Variants in HPN observed in about 807,000 individuals in gnomAD.
HPN encodes the protein hepsin, also known as serine protease hepsin.
In HPN, 13 loss-of-function variants were observed where a neutral mutation model predicts 55.9. The observed-to-expected ratio is 0.23, with a 90% CI of 0.15 to 0.37. HPN has a LOEUF of 0.37. HPN is among the 10% of genes least tolerant of loss of function. HPN has a pLI of 1.00. For missense variants in HPN, 451 were observed against 575.8 expected (o/e 0.78, Z 2.22); for synonymous variants, 225 against 240.3 (o/e 0.94, Z 0.59).
rs1261606687 is a variant in HPN at position 35,065,638 on chromosome 19, T to C, written c.1007T>C (p.Met336Thr). 3.1e-6 allele frequency: 5 copies of C among 1,614,142 alleles called. No individual in the cohort carries two copies. In the East Asian group the frequency reaches 8.9e-5, roughly 29 times the overall value. Residue 336 changes from methionine (M) to threonine (T), a missense_variant, in exon 11 of 13, where the codon ATG becomes ACG. Met to Thr is a moderately conservative substitution (Grantham distance 81). Around this residue, in one of 2 missense-constraint regions of HPN, gnomAD observed 73 missense variants for 130.3 expected, o/e 0.56. Coordinates refer to ENST00000672452, the MANE Select transcript of HPN (RefSeq NM_001384133.1). ...TATGGAAACCAGATCAAGCCCAAGA[T>C]GTTCTGTGCTGGCTACCCCGAGGGT... Reference protein sequence around the residue: ...DFYGNQIKPKMFCAGYPEGGI... With the variant: ...DFYGNQIKPKTFCAGYPEGGI...
intron 2 of HPN, among the ~76,000 whole-genome samples, chr19:35,047,563 C>T (rs753022933): frequency 3.3e-5 from 5 of 152,332 alleles, no homozygotes; most frequent in South Asian, 2.1e-4. Context: ...CCCACCTACA[C>T]GCATGAGAAC....
intron 4 of HPN, among the ~76,000 whole-genome samples, chr19:35,055,239 A>G (rs112844295): frequency 0.062 from 9,397 of 152,190 alleles, 875 homozygotes; most frequent in African/African-American, 0.2. Context: ...ACATAAAAAA[A>G]TAAACAAATT....
intron 4 of HPN, among the ~76,000 whole-genome samples, chr19:35,051,783 A>G (rs1478768006): frequency 6.6e-6 from 1 of 152,150 alleles, no homozygotes; most frequent in African/African-American, 2.4e-5. Flanking sequence ...CTATGAAGTT[A>G]GGGCTGTTAC....
At chr19:35,053,739 C>T (rs1055461965) in intron 4 of HPN, among the ~76,000 whole-genome samples, 2 of 152,000 alleles carry the variant, frequency 1.3e-5, no homozygotes, top group African/African-American at 4.8e-5. Context: ...AGCAAGACTC[C>T]ATCTCAAAAC....
chr19:35,059,509 T>G, intron 4 of HPN, 164 bp from the exon 5 acceptor site: 1 of 876,512 alleles, frequency 1.1e-6, no homozygotes, highest in Admixed American at 2.0e-5. Flanking sequence ...TGAGTCATGA[T>G]TCCAGATGCA....
Position 35,065,558 on chromosome 19 carries a change from C to T in HPN, c.927C>T (p.Leu309=), listed in dbSNP as rs1028915465. The T allele has an allele frequency of 2.5e-6, 4 of 1,613,946 alleles. No homozygotes were observed. ...CCCCAGGCCAACAGGCCGGGGTACTCCAGGAGGCTCGAGTCCCCATAATCA... is the reference window on the plus strand; with the variant it reads ...CCCCAGGCCAACAGGCCGGGGTACTTCAGGAGGCTCGAGTCCCCATAATCA... The part of the protein sequence containing the change: ...TQYYGQQAGV[L]QEARVPIISN... Residue 309 remains leucine, a synonymous_variant, in exon 11 of 13, where the codon CTC becomes CTT. Transcript: ENST00000672452.
intron 4 of HPN, among the ~76,000 whole-genome samples, chr19:35,053,995 AG>A (rs920801070): frequency 2.0e-5 from 3 of 152,238 alleles, no homozygotes; most frequent in African/African-American, 7.2e-5. Flanking sequence ...GGTTTGTATG[AG>A]ACCCACAGAA....
intron 4 of HPN, among the ~76,000 whole-genome samples, chr19:35,058,305 G>A (rs542004651): frequency 2.7e-4 from 41 of 149,272 alleles, no homozygotes; most frequent in African/African-American, 9.0e-4. Flanking sequence ...TCAGCCTCCC[G>A]AGTAGCTGGG....
At chr19:35,054,277 G>A (rs949834538) in intron 4 of HPN, among the ~76,000 whole-genome samples, 9 of 152,136 alleles carry the variant, frequency 5.9e-5, no homozygotes, top group African/African-American at 2.2e-4. Flanking sequence ...AGTTAGCCAG[G>A]TGTAGTAGCA....
rs753919303 is a variant in HPN at position 35,059,653 on chromosome 19, C to T, written c.161-20C>T. 164 of 1,581,806 alleles carry T rather than the reference C, an allele frequency of 1.0e-4. No individual in the cohort carries two copies. Among genetic ancestry groups the T allele is most frequent in the Non-Finnish European group, 1.1e-4 (124 of 1,164,944 alleles). On this transcript the variant is annotated intron_variant, in intron 4 of 12. Coordinates refer to ENST00000672452, the MANE Select transcript of HPN (RefSeq NM_001384133.1). ...CCTGGCTGTGGGACCCAGGCGGCCC[C>T]GGGCCCTGTCGCCCTGCAGTGCAGG...
chr19:35,049,341 CG>C lies in HPN; in HGVS notation c.72del (p.Thr25ProfsTer5). 1 of 1,600,592 alleles carries C rather than the reference CG, an allele frequency of 6.2e-7. No homozygotes were observed. Among genetic ancestry groups the C allele is most frequent in the Non-Finnish European group, 8.5e-7 (1 of 1,172,146 alleles). On this transcript the variant is annotated frameshift_variant, in exon 3 of 13. Coordinates refer to ENST00000672452, the MANE Select transcript of HPN (RefSeq NM_001384133.1). LOFTEE classifies it high-confidence loss of function. The part of the protein sequence containing the change: ...CSRPKVAALT[A>X]GTLLLLTAIG... Reference sequence around the variant, plus strand: ...AGACCCAAGGTGGCAGCTCTCACTGCGGGGACCCTGCTACTTCTGACAGCCA... The same window carrying C: ...AGACCCAAGGTGGCAGCTCTCACTGCGGGACCCTGCTACTTCTGACAGCCA...
chr19:35,062,693 G>A (rs1672979), intron 9 of HPN, among the ~76,000 whole-genome samples: 129,229 of 151,588 alleles, frequency 0.85, 56,138 homozygotes, highest in Non-Finnish European at 0.93. Flanking sequence ...GACTCGCCTG[G>A]GCAACATGGC....
intron 4 of HPN, among the ~76,000 whole-genome samples, chr19:35,049,947 C>A (rs1452956210): frequency 6.6e-6 from 1 of 150,776 alleles, no homozygotes; most frequent in African/African-American, 2.4e-5. Context: ...CCCTGTTTTA[C>A]AGATGGGGAA....
chr19:35,066,538 G>C lies in HPN; in HGVS notation c.*251G>C. ...TCCTGTCTAGGTGCCCCTGATGACG[G>C]GATGCTCTTTAAATAATAAAGATGG... On this transcript the variant is annotated 3_prime_UTR_variant, in exon 13 of 13. Coordinates refer to ENST00000672452, the MANE Select transcript of HPN (RefSeq NM_001384133.1). 1.8e-6 allele frequency: 1 copy of C among 544,858 alleles called. No individual in the cohort carries two copies. The highest frequency in any genetic ancestry group is 3.3e-6 in the Non-Finnish European group (1 of 307,256). 33.8% of individuals were successfully genotyped at this position (544,858 alleles called of 1,614,324 possible). A position where few individuals can be genotyped will look rare whatever the true frequency, so the allele number is the denominator to read the frequency against.
chr19:35,060,531 C>T lies in HPN; in HGVS notation c.620+19C>T, dbSNP rs780358276. On this transcript the variant is annotated intron_variant, in intron 8 of 12. Transcript: ENST00000672452. ...TCCCGGAGTGAGTGCCCCCCAATGG[C>T]GCTGATGATGGGGAGGCAGAGGAGC... 27 of 1,611,708 alleles carry T rather than the reference C, an allele frequency of 1.7e-5. No individual in the cohort carries two copies. The highest frequency in any genetic ancestry group is 1.6e-4 in the African/African-American group (12 of 74,944).
chr19:35,057,744 C>T (rs2064470470), intron 4 of HPN, among the ~76,000 whole-genome samples: 1 of 152,138 alleles, frequency 6.6e-6, no homozygotes, highest in African/African-American at 2.4e-5. Context: ...TCTCACCACA[C>T]ACAAAGGGTA....
In HPN at chr19:35,049,468, T is replaced by C. The variant is rs1306678454; in HGVS notation, c.119-7T>C. Reference sequence around the variant, plus strand: ...CCTGCCTGCCCTCACCCCTCCCTTCTCTGCAGTGGCTGTTCTCCTCAGGAG... The same window carrying C: ...CCTGCCTGCCCTCACCCCTCCCTTCCCTGCAGTGGCTGTTCTCCTCAGGAG... On this transcript the variant is annotated splice_polypyrimidine_tract_variant and splice_region_variant and intron_variant, in intron 3 of 12. Coordinates refer to ENST00000672452, the MANE Select transcript of HPN (RefSeq NM_001384133.1). The C allele has an allele frequency of 1.2e-6, 2 of 1,612,256 alleles. No individual in the cohort carries two copies. The highest frequency in any genetic ancestry group is 1.7e-6 in the Non-Finnish European group (2 of 1,179,132).
intron 4 of HPN, 27 bp downstream of exon 4, chr19:35,049,543 G>C (rs757266811): frequency 1.9e-6 from 3 of 1,582,936 alleles, no homozygotes; most frequent in Non-Finnish European, 2.6e-6. Context: ...GGGACCCTCT[G>C]GGGGAGCCCT....
chr19:35,047,761 G>A (rs1166854853), intron 2 of HPN, among the ~76,000 whole-genome samples: 1 of 151,968 alleles, frequency 6.6e-6, no homozygotes, highest in East Asian at 1.9e-4. Flanking sequence ...TGTTTGGGAG[G>A]CTGAGACAAG....
Sources: gnomAD v4.1 joint callset for allele counts (sites outside exome capture counted in the v4.1 genomes callset) on GRCh38, gnomAD v4.1.1 for gene constraint, gnomAD v4.1.1 regional missense constraint, MANE v1.5 for transcripts, NCBI Gene and HGNC (gene_info 2026-07-23, HGNC 2026-07-21) for gene names.